The following PCDHGB5 variants were observed in gnomAD, a reference collection of about 807,000 sequenced individuals.
The protein encoded by PCDHGB5 is protocadherin gamma-B5.
Under a neutral mutation model 62.9 loss-of-function variants are expected in PCDHGB5, and 48 were observed. The ratio of observed to expected loss-of-function variants is 0.76; its 90% CI spans 0.61 to 0.97. The LOEUF (loss-of-function observed/expected upper bound fraction) is 0.97. PCDHGB5 is among the 50% of genes least tolerant of loss of function. The pLI, the probability that PCDHGB5 is intolerant of heterozygous loss-of-function variation, is 0.00. For missense variants in PCDHGB5, 1,118 were observed against 1,198.6 expected (o/e 0.93, Z 0.99); for synonymous variants, 474 against 511.2 (o/e 0.93, Z 0.98).
intron 1 of PCDHGB5, chr5:141,416,834 C>T (rs966016844): frequency 4.6e-5 from 7 of 151,848 alleles, no homozygotes; most frequent in Non-Finnish European, 1.0e-4. Flanking sequence ...TTCTCAAGAC[C>T]CTTATAATTC....
intron 1 of PCDHGB5, chr5:141,423,134 G>A: frequency 6.2e-7 from 1 of 1,613,680 alleles, no homozygotes; most frequent in South Asian, 1.1e-5. Flanking sequence ...CTGCTGGACA[G>A]AGACGCGCTC....
chr5:141,504,988 C>T (rs886919738), intron 2 of PCDHGB5, among the ~76,000 whole-genome samples: 2 of 152,036 alleles, frequency 1.3e-5, no homozygotes, highest in African/African-American at 4.8e-5. Context: ...ATGGTGAAAC[C>T]CCGTCTGTAC....
chr5:141,421,665 C>G (rs1227312221), intron 1 of PCDHGB5: 4 of 1,613,854 alleles, frequency 2.5e-6, no homozygotes, highest in Non-Finnish European at 2.5e-6. Flanking sequence ...TCAGTGAGCA[C>G]GCAATTCCTG....
chr5:141,443,367 C>T (rs1305408862), intron 1 of PCDHGB5, among the ~76,000 whole-genome samples: 1 of 151,712 alleles, frequency 6.6e-6, no homozygotes, highest in African/African-American at 2.4e-5. Flanking sequence ...TGCCTGTGGT[C>T]TCAGCTACTT....
In PCDHGB5 at chr5:141,438,327, A is replaced by G. The variant is rs369043587; in HGVS notation, c.2397+37803A>G. 1.5e-4 allele frequency among the ~76,000 whole-genome samples: 23 copies of G among 152,106 alleles called. No homozygotes were observed. The East Asian group carries it at 4.1e-3, about 27-fold the overall frequency. ...TTGGTACCACCATAATTTTTCTTAT[A>G]CATGTCATATAAGGATCTACTCTGT... On this transcript the variant is annotated intron_variant, in intron 1 of 3. Transcript: ENST00000617380.
chr5:141,414,785 C>A, intron 1 of PCDHGB5: 1 of 1,614,232 alleles, frequency 6.2e-7, no homozygotes, highest in Non-Finnish European at 8.5e-7. Context: ...ATGCAGGTGA[C>A]AGCCAGCGAC....
chr5:141,485,275 G>T lies in PCDHGB5; in HGVS notation c.2398-9532G>T, dbSNP rs77402299. ...ACGTTTGTGGGCAGATCCGCTACCC[G>T]GTCCCAGAGGAGTCACAGGAAGGGA... is the stretch of plus-strand genomic sequence containing the variant. On this transcript the variant is annotated intron_variant, in intron 1 of 3. Coordinates refer to ENST00000617380, the MANE Select transcript of PCDHGB5 (RefSeq NM_018925.3). The surrounding 1 kb of genome is among the most constrained non-coding windows in gnomAD (Gnocchi z 5.7). 1.1e-5 allele frequency: 18 copies of T among 1,614,072 alleles called. No individual in the cohort carries two copies. The South Asian group carries it at 1.4e-4, about 13-fold the overall frequency.
chr5:141,430,926 C>T, intron 1 of PCDHGB5: 1 of 1,607,426 alleles, frequency 6.2e-7, no homozygotes, highest in Non-Finnish European at 8.5e-7. Flanking sequence ...GGGCTGGAGC[C>T]CCGGGAGCTC....
At position 141,491,753 on chromosome 5, in the gene PCDHGB5, C is replaced by T. The variant is rs373728953; in HGVS notation, c.2398-3054C>T. On this transcript the variant is annotated intron_variant, in intron 1 of 3. Coordinates refer to ENST00000617380, the MANE Select transcript of PCDHGB5 (RefSeq NM_018925.3). The surrounding 1 kb of genome is among the most constrained non-coding windows in gnomAD (Gnocchi z 6.9). ...ACCCCTGGGGGCGGCACTGGAGAAGCCGCCCGTCCTCATAAGGGATTGAAC... is the reference window on the plus strand; with the variant it reads ...ACCCCTGGGGGCGGCACTGGAGAAGTCGCCCGTCCTCATAAGGGATTGAAC... 4 of 1,585,146 alleles carry T rather than the reference C, an allele frequency of 2.5e-6. No homozygotes were observed. Among genetic ancestry groups the T allele is most frequent in the East Asian group, 2.3e-5 (1 of 43,412 alleles).
intron 2 of PCDHGB5, among the ~76,000 whole-genome samples, chr5:141,499,869 G>A (rs1247615457): frequency 3.3e-5 from 5 of 151,938 alleles, no homozygotes; most frequent in Non-Finnish European, 5.9e-5. Context: ...TGTATTTTCA[G>A]TACAAACAGG....
At chr5:141,419,316 G>T in intron 1 of PCDHGB5, 2 of 1,613,994 alleles carry the variant, frequency 1.2e-6, no homozygotes, top group Non-Finnish European at 1.7e-6. Context: ...CTCAACGGCC[G>T]TGTCTCCTAC....
chr5:141,427,895 G>T (rs539406412), intron 1 of PCDHGB5: 3 of 1,569,228 alleles, frequency 1.9e-6, no homozygotes, highest in South Asian at 2.2e-5. Context: ...ACCAGGGCTC[G>T]CCCGCGCTCA....
At chr5:141,450,549 C>T (rs1414500813) in intron 1 of PCDHGB5, among the ~76,000 whole-genome samples, 2 of 151,756 alleles carry the variant, frequency 1.3e-5, no homozygotes, top group Non-Finnish European at 2.9e-5. Context: ...TGCAGTGGCG[C>T]AGTCTCGGCT....
In PCDHGB5 at chr5:141,489,353, A is replaced by G. The variant is rs1423278514; in HGVS notation, c.2398-5454A>G. 3.7e-6 allele frequency: 6 copies of G among 1,612,316 alleles called. No homozygotes were observed. In the African/African-American group the frequency reaches 6.7e-5, roughly 18 times the overall value. ...CAGCTTCGTTACTCAGTGGTGGAGG[A>G]GTCTGAGCCGGGGACGCTGGTGGGG... On this transcript the variant is annotated intron_variant, in intron 1 of 3. Transcript: ENST00000617380. This position sits in a 1 kb window ranked among gnomAD's most constrained non-coding sequence, Gnocchi z 4.5.
Position 141,400,303 on chromosome 5 carries a change from G to T in PCDHGB5, c.2176G>T (p.Gly726Cys), listed in dbSNP as rs2094000375. 1 of 1,613,908 alleles carries T rather than the reference G, an allele frequency of 6.2e-7. No individual in the cohort carries two copies. Among genetic ancestry groups the T allele is most frequent in the Non-Finnish European group, 8.5e-7 (1 of 1,179,896 alleles). ...SPAAWSCFQP[G>C]LCVKSGPVVP... The stretch of plus-strand genomic sequence containing the variant: ...TGCCGCCTGGAGCTGCTTCCAACCT[G>T]GTCTCTGTGTCAAGTCTGGACCTGT... The change falls in exon 1 of 4, where the codon GGT becomes TGT. Residue 726 changes from glycine (G) to cysteine (C), a missense_variant. Around this residue, in one of 2 missense-constraint regions of PCDHGB5, gnomAD observed 1,034 missense variants for 1,029.1 expected, o/e 1.00. Coordinates refer to ENST00000617380, the MANE Select transcript of PCDHGB5 (RefSeq NM_018925.3).
chr5:141,409,802 G>A (rs2095317294), intron 1 of PCDHGB5: 10 of 1,611,810 alleles, frequency 6.2e-6, no homozygotes, highest in Non-Finnish European at 7.6e-6. Context: ...CACGCTGCAG[G>A]CCCGCGACCA....
chr5:141,398,687 A>T lies in PCDHGB5; in HGVS notation c.560A>T (p.Asp187Val), dbSNP rs940121215. 3 of 1,613,940 alleles carry T rather than the reference A, an allele frequency of 1.9e-6. No individual in the cohort carries two copies. The highest frequency in any genetic ancestry group is 2.5e-6 in the Non-Finnish European group (3 of 1,179,888). Residue 187 changes from aspartate to valine, a missense_variant, in exon 1 of 4, where the codon GAT becomes GTT. This residue lies in a region of PCDHGB5 where 1,034 missense variants were observed against 1,029.1 expected (regional missense o/e 1.00). Coordinates refer to ENST00000617380, the MANE Select transcript of PCDHGB5 (RefSeq NM_018925.3). The stretch of plus-strand genomic sequence containing the variant: ...TCATTAATAATTAAGGAGAAACAGG[A>T]TGGTAGTAAATACCCGGAACTGGCA... ...SFSLIIKEKQDGSKYPELALE... is the reference protein window; with the variant it reads ...SFSLIIKEKQVGSKYPELALE...
intron 1 of PCDHGB5, chr5:141,427,310 C>A (rs989300491): frequency 2.2e-5 from 10 of 456,738 alleles, no homozygotes; most frequent in African/African-American, 1.8e-4. Flanking sequence ...ATGACAATGC[C>A]CCAGACGTGG....
At chr5:141,483,323 G>A (rs2099579999) in intron 1 of PCDHGB5, among the ~76,000 whole-genome samples, 1 of 152,104 alleles carries the variant, frequency 6.6e-6, no homozygotes, top group Non-Finnish European at 1.5e-5. Flanking sequence ...GGGACTGGAG[G>A]CAAAGAGATC....
Sources: allele counts gnomAD v4.1 joint callset (sites outside exome capture counted in the v4.1 genomes callset), GRCh38; gene constraint gnomAD v4.1.1; regional missense constraint gnomAD v4.1.1; non-coding constraint Gnocchi (gnomAD v3.1); transcripts MANE v1.5; gene names NCBI Gene and HGNC (gene_info 2026-07-23, HGNC 2026-07-21).